Variants in PPP1R37 observed in about 807,000 individuals in gnomAD.
PPP1R37 encodes the protein leucine rich repeat containing 68.
Under a neutral mutation model 61.0 loss-of-function variants are expected in PPP1R37, and 21 were observed. The ratio of observed to expected loss-of-function variants is 0.34; its 90% CI spans 0.24 to 0.50. The LOEUF is 0.50. Ranked by LOEUF, PPP1R37 falls within the 20% of genes least tolerant of loss-of-function variation. The pLI, the probability that PPP1R37 is intolerant of heterozygous loss-of-function variation, is 0.98. For missense variants in PPP1R37, 910 were observed against 952.7 expected (o/e 0.96, Z 0.59); for synonymous variants, 443 against 433.5 (o/e 1.02, Z -0.27).
intron 1 of PPP1R37, among the ~76,000 whole-genome samples, chr19:45,103,798 G>A (rs1968094534): frequency 6.6e-6 from 1 of 152,074 alleles, no homozygotes; most frequent in Admixed American, 6.6e-5. Flanking sequence ...CGTTAATCTT[G>A]GAGGAGGAAA....
At chr19:45,125,348 A>G (rs1354593229) in intron 1 of PPP1R37, among the ~76,000 whole-genome samples, 1 of 152,158 alleles carries the variant, frequency 6.6e-6, no homozygotes, top group Non-Finnish European at 1.5e-5. Flanking sequence ...CTGTAGTCCC[A>G]GCTACTCAGG....
At position 45,124,274 on chromosome 19, in the gene PPP1R37, A is replaced by G. The variant is rs557329006; in HGVS notation, c.203-14240A>G. 1.9e-3 allele frequency among the ~76,000 whole-genome samples: 292 copies of G among 152,128 alleles called. 1 individual carries two copies. The highest frequency in any genetic ancestry group is 3.1e-3 in the Non-Finnish European group (210 of 67,996). On this transcript the variant is annotated intron_variant, in intron 1 of 12. Coordinates refer to ENST00000221462, the MANE Select transcript of PPP1R37 (RefSeq NM_019121.2). ...GAAGTAGTAAGCAGTGAGAGCATGT[A>G]CCGTGTAATGTGTAAAGGGGAGGGA... is the stretch of plus-strand genomic sequence containing the variant.
chr19:45,113,250 C>T (rs945946161), intron 1 of PPP1R37, among the ~76,000 whole-genome samples: 1 of 152,218 alleles, frequency 6.6e-6, no homozygotes, highest in Non-Finnish European at 1.5e-5. Context: ...AAAAGGCCAG[C>T]CTTCTCATGC....
In PPP1R37 at chr19:45,145,807, C is replaced by CGGCGGG; in HGVS notation, c.1751_1752insGGCGGG (p.Ala585_Ser586insGlyAla). 1 of 1,478,354 alleles carries CGGCGGG rather than the reference C, an allele frequency of 6.8e-7. No individual in the cohort carries two copies. Among genetic ancestry groups the CGGCGGG allele is most frequent in the Non-Finnish European group, 9.0e-7 (1 of 1,117,220 alleles). 91.6% of individuals were successfully genotyped at this position (1,478,354 alleles called of 1,614,324 possible). The stretch of plus-strand genomic sequence containing the variant: ...AGCCCGCCCGAGAGGGCAGAGCCCC[C>CGGCGGG]TGCGTCCCCCACCCCTCCCTCTCCC... On this transcript the variant is annotated inframe_insertion, in exon 11 of 13. Coordinates refer to ENST00000221462, the MANE Select transcript of PPP1R37 (RefSeq NM_019121.2).
intron 1 of PPP1R37, among the ~76,000 whole-genome samples, chr19:45,102,425 G>A (rs1374022931): frequency 6.6e-6 from 1 of 152,198 alleles, no homozygotes; most frequent in East Asian, 1.9e-4. Context: ...TTGCCTCAGT[G>A]TCCCCATTTG....
Position 45,121,604 on chromosome 19 carries a change from C to T in PPP1R37, c.203-16910C>T, listed in dbSNP as rs935294305. On this transcript the variant is annotated intron_variant, in intron 1 of 12. Transcript: ENST00000221462. This position sits in a 1 kb window ranked among gnomAD's most constrained non-coding sequence, Gnocchi z 4.2. ...ACGCAGTGAATATACAGGGTCCTCA[C>T]GCAAGGACCTGAGAGATGTGTGGGC... Among the ~76,000 whole-genome samples, 2 of 152,234 alleles carry T rather than the reference C, an allele frequency of 1.3e-5. No individual in the cohort carries two copies. Among genetic ancestry groups the T allele is most frequent in the African/African-American group, 4.8e-5 (2 of 41,476 alleles).
chr19:45,101,916 C>T (rs1057245661), intron 1 of PPP1R37, among the ~76,000 whole-genome samples: 1 of 152,218 alleles, frequency 6.6e-6, no homozygotes, highest in Non-Finnish European at 1.5e-5. Flanking sequence ...TCCTCTGAGT[C>T]CTCCCCTCCA....
intron 1 of PPP1R37, among the ~76,000 whole-genome samples, chr19:45,110,498 AT>A (rs1968187135): frequency 6.6e-6 from 1 of 151,984 alleles, no homozygotes; most frequent in Admixed American, 6.6e-5. Context: ...ATTCCTCCAA[AT>A]CTGAATTTGT....
At chr19:45,114,062 G>A (rs541048220) in intron 1 of PPP1R37, among the ~76,000 whole-genome samples, 3 of 152,366 alleles carry the variant, frequency 2.0e-5, no homozygotes, top group East Asian at 3.9e-4. Context: ...CACACTAGAC[G>A]CTTTACACAA....
chr19:45,139,711 G>T (rs900770782), intron 2 of PPP1R37, among the ~76,000 whole-genome samples: 5 of 152,194 alleles, frequency 3.3e-5, no homozygotes, highest in African/African-American at 9.7e-5. Context: ...TGGGTCCTTG[G>T]ACCCCATCGG....
chr19:45,135,300 CAG>C, intron 1 of PPP1R37, among the ~76,000 whole-genome samples: 1 of 152,158 alleles, frequency 6.6e-6, no homozygotes, highest in East Asian at 1.9e-4. Context: ...GCCATTGTGT[CAG>C]GGGTTATGGT....
At chr19:45,098,514 G>C (rs1353572065) in intron 1 of PPP1R37, among the ~76,000 whole-genome samples, 1 of 152,328 alleles carries the variant, frequency 6.6e-6, no homozygotes, top group East Asian at 1.9e-4. Context: ...CCTCCAGTGT[G>C]TGTGCGTTGG....
chr19:45,136,690 C>CA (rs1265527665), intron 1 of PPP1R37, among the ~76,000 whole-genome samples: 1 of 152,188 alleles, frequency 6.6e-6, no homozygotes, highest in Admixed American at 6.5e-5. Context: ...AGGCAGGGAC[C>CA]AGGCCTGACC....
intron 1 of PPP1R37, among the ~76,000 whole-genome samples, chr19:45,126,843 G>A (rs765454453): frequency 2.0e-5 from 3 of 152,150 alleles, no homozygotes; most frequent in Non-Finnish European, 2.9e-5. Flanking sequence ...ATTATCTGCC[G>A]GAAGCCTCAG....
At chr19:45,109,563 G>A (rs996515674) in intron 1 of PPP1R37, among the ~76,000 whole-genome samples, 40 of 152,218 alleles carry the variant, frequency 2.6e-4, no homozygotes, top group African/African-American at 8.9e-4. Context: ...CATTTTTGCA[G>A]ATAAGAAACT....
chr19:45,097,626 C>G (rs868631224), intron 1 of PPP1R37, among the ~76,000 whole-genome samples: 1 of 151,918 alleles, frequency 6.6e-6, no homozygotes, highest in African/African-American at 2.4e-5. Flanking sequence ...GGGAGGGTCT[C>G]GAGCCTGCCC....
intron 8 of PPP1R37, chr19:45,143,905 A>G (rs1968647944): frequency 1.2e-5 from 3 of 248,622 alleles, no homozygotes; most frequent in South Asian, 1.5e-4. Flanking sequence ...ATCTAGGCTC[A>G]CTGCAGCCAC....
chr19:45,115,989 A>AG (rs1056654830), intron 1 of PPP1R37, among the ~76,000 whole-genome samples: 10 of 151,434 alleles, frequency 6.6e-5, no homozygotes, highest in Non-Finnish European at 1.0e-4. Context: ...AAAAAAAAAA[A>AG]GTTGTGTGTC....
At chr19:45,127,781 CCTGA>C (rs1327062863) in intron 1 of PPP1R37, among the ~76,000 whole-genome samples, 1 of 152,040 alleles carries the variant, frequency 6.6e-6, no homozygotes. Flanking sequence ...TAGAGACCAT[CCTGA>C]CTAACACAGT....
Sources: allele counts gnomAD v4.1 joint callset (sites outside exome capture counted in the v4.1 genomes callset), GRCh38; gene constraint gnomAD v4.1.1; non-coding constraint Gnocchi (gnomAD v3.1); transcripts MANE v1.5; gene names NCBI Gene and HGNC (gene_info 2026-07-23, HGNC 2026-07-21).